DOCK3: variants seen among roughly 807,000 people sequenced by gnomAD.
The protein encoded by DOCK3 is dedicator of cytokinesis 3.
A neutral mutation model predicts 265.6 loss-of-function variants in DOCK3; 60 were observed. That is an observed-to-expected ratio of 0.23 (90% CI 0.18 to 0.28). DOCK3 has a LOEUF of 0.28. Among genes scored for constraint, DOCK3 ranks in the 10% least tolerant of loss-of-function variants. DOCK3 has a pLI of 1.00. For missense variants in DOCK3, 1,981 were observed against 2,594.3 expected (o/e 0.76, Z 5.14); for synonymous variants, 881 against 938.0 (o/e 0.94, Z 1.11).
Position 51,312,871 on chromosome 3 carries a change from C to T in DOCK3, c.3222C>T (p.Ala1074=), listed in dbSNP as rs763783255. 5 of 1,610,842 alleles carry T rather than the reference C, an allele frequency of 3.1e-6. No homozygotes were observed. Among genetic ancestry groups the T allele is most frequent in the South Asian group, 1.1e-5 (1 of 90,184 alleles). The change falls in exon 31 of 53, where the codon GCC becomes GCT. Residue 1074 remains alanine (A), a synonymous_variant. Coordinates refer to ENST00000266037, the MANE Select transcript of DOCK3 (RefSeq NM_004947.5). ...ATGGGGACATGCGTGTAATGATGGC[C>T]TATGAACTGTTCAGCATGTGGCAGA... ...DKYGDMRVMM[A]YELFSMWQNL...
At chr3:51,284,425 C>T (rs1398866873) in intron 27 of DOCK3, among the ~76,000 whole-genome samples, 1 of 152,166 alleles carries the variant, frequency 6.6e-6, no homozygotes. Context: ...CATCCTAAAC[C>T]TCTTAGTTCT....
chr3:50,722,925 C>A (rs768172665), intron 1 of DOCK3, among the ~76,000 whole-genome samples: 6 of 152,138 alleles, frequency 3.9e-5, no homozygotes, highest in Non-Finnish European at 7.4e-5. Context: ...GCACATGCCA[C>A]CACACCCAGC....
intron 6 of DOCK3, among the ~76,000 whole-genome samples, chr3:51,074,624 CT>C (rs1443805498): frequency 6.6e-6 from 1 of 151,998 alleles, no homozygotes; most frequent in Non-Finnish European, 1.5e-5. Context: ...TTATACATCT[CT>C]TTGAACACAT....
chr3:51,356,879 C>A, intron 43 of DOCK3, 83 bp from the exon 44 acceptor site: 1 of 1,446,656 alleles, frequency 6.9e-7, no homozygotes, highest in Non-Finnish European at 9.2e-7. Context: ...ATCAATACCA[C>A]AGATCTTAGA....
chr3:50,704,339 C>A (rs2036248284), intron 1 of DOCK3, among the ~76,000 whole-genome samples: 1 of 152,050 alleles, frequency 6.6e-6, no homozygotes, highest in African/African-American at 2.4e-5. Flanking sequence ...TATTTTCTCT[C>A]TAGGTGGTCT....
At chr3:51,306,127 A>G (rs887327539) in intron 27 of DOCK3, among the ~76,000 whole-genome samples, 5 of 151,542 alleles carry the variant, frequency 3.3e-5, no homozygotes, top group African/African-American at 9.7e-5. Flanking sequence ...CAGCCTCTCA[A>G]AGTGCTAGGA....
At chr3:50,907,142 G>A (rs907307366) in intron 4 of DOCK3, among the ~76,000 whole-genome samples, 1 of 151,978 alleles carries the variant, frequency 6.6e-6, no homozygotes, top group South Asian at 2.1e-4. Context: ...AATTTCTGTT[G>A]TTTTACATTT....
intron 10 of DOCK3, among the ~76,000 whole-genome samples, chr3:51,155,694 T>G (rs543162225): frequency 1.3e-5 from 2 of 152,312 alleles, no homozygotes; most frequent in African/African-American, 4.8e-5. Context: ...CTTGGTTAGA[T>G]TTTAGGGTTT....
chr3:51,001,640 T>C (rs530739795), intron 5 of DOCK3, among the ~76,000 whole-genome samples: 3 of 152,324 alleles, frequency 2.0e-5, no homozygotes, highest in African/African-American at 7.2e-5. Context: ...TATGTAGATA[T>C]ATCTTTTTAT....
At chr3:50,931,010 G>C (rs2051036201) in intron 4 of DOCK3, among the ~76,000 whole-genome samples, 1 of 152,160 alleles carries the variant, frequency 6.6e-6, no homozygotes, top group Non-Finnish European at 1.5e-5. Context: ...GGTGGGTCAT[G>C]CCCGGCTGTG....
intron 5 of DOCK3, among the ~76,000 whole-genome samples, chr3:50,934,595 G>T (rs1321383882): frequency 1.3e-5 from 2 of 152,148 alleles, no homozygotes; most frequent in Non-Finnish European, 2.9e-5. Flanking sequence ...GGGAAGCTGA[G>T]GCAGGAGGAC....
chr3:51,008,956 C>T (rs2078810439), intron 5 of DOCK3, among the ~76,000 whole-genome samples: 1 of 152,034 alleles, frequency 6.6e-6, no homozygotes, highest in Non-Finnish European at 1.5e-5. Context: ...CCTTGCATCC[C>T]AGGGATGAAG....
intron 9 of DOCK3, among the ~76,000 whole-genome samples, chr3:51,105,295 A>G (rs774638784): frequency 6.6e-5 from 10 of 152,176 alleles, no homozygotes; most frequent in African/African-American, 9.7e-5. Context: ...CATCCCTCCA[A>G]TGGTGAGGAT....
intron 2 of DOCK3, among the ~76,000 whole-genome samples, chr3:50,783,062 T>G (rs896302299): frequency 2.0e-5 from 3 of 151,962 alleles, no homozygotes; most frequent in Admixed American, 1.3e-4. Flanking sequence ...CACGTTTTCT[T>G]TATGCACTCA....
At chr3:51,270,655 A>G (rs1303842223) in intron 23 of DOCK3, among the ~76,000 whole-genome samples, 160 bp from the exon 24 acceptor site, 1 of 152,180 alleles carries the variant, frequency 6.6e-6, no homozygotes, top group African/African-American at 2.4e-5. Flanking sequence ...TTCTTGCTCC[A>G]TGCCTGAGTG....
At chr3:51,244,963 A>C (rs549396545) in intron 21 of DOCK3, among the ~76,000 whole-genome samples, 1 of 152,362 alleles carries the variant, frequency 6.6e-6, no homozygotes, top group South Asian at 2.1e-4. Flanking sequence ...AATGTCAAAG[A>C]ATATAAAAAG....
intron 23 of DOCK3, 135 bp from the exon 24 acceptor site, chr3:51,270,680 C>T: frequency 2.3e-6 from 2 of 868,596 alleles, no homozygotes; most frequent in Non-Finnish European, 3.4e-6. Context: ...AGTCAGTGGC[C>T]AGGGAGGAGC....
intron 12 of DOCK3, among the ~76,000 whole-genome samples, chr3:51,180,225 AACAC>A (rs1553780899): frequency 6.9e-6 from 1 of 145,494 alleles, no homozygotes; most frequent in Non-Finnish European, 1.5e-5. Flanking sequence ...AAAAAAAAAA[AACAC>A]ACACACACAC....
At chr3:50,911,624 C>A (rs2049857177) in intron 4 of DOCK3, among the ~76,000 whole-genome samples, 1 of 151,622 alleles carries the variant, frequency 6.6e-6, no homozygotes, top group Non-Finnish European at 1.5e-5. Flanking sequence ...CTTAGGATTG[C>A]CTTAGCTACT....
Sources: allele counts gnomAD v4.1 joint callset (sites outside exome capture counted in the v4.1 genomes callset), GRCh38; gene constraint gnomAD v4.1.1; transcripts MANE v1.5; gene names NCBI Gene and HGNC (gene_info 2026-07-23, HGNC 2026-07-21).